The following SLC4A10 variants were observed in gnomAD, a reference collection of about 807,000 sequenced individuals.
SLC4A10 encodes the protein solute carrier family 4 member 10.
Under a neutral mutation model 137.7 loss-of-function variants are expected in SLC4A10, and 42 were observed. The ratio of observed to expected loss-of-function variants is 0.30; its 90% CI spans 0.24 to 0.39. SLC4A10 has a LOEUF of 0.39. Among genes scored for constraint, SLC4A10 ranks in the 10% least tolerant of loss-of-function variants. SLC4A10 has a pLI of 1.00. For missense variants in SLC4A10, 925 were observed against 1,355.0 expected (o/e 0.68, Z 4.98); for synonymous variants, 474 against 464.1 (o/e 1.02, Z -0.27).
At chr2:161,944,443 A>G (rs1227716833) in intron 16 of SLC4A10, among the ~76,000 whole-genome samples, 1 of 151,840 alleles carries the variant, frequency 6.6e-6, no homozygotes, top group Admixed American at 6.6e-5. Flanking sequence ...GTATTAGCAA[A>G]TCTTGAATTT....
intron 1 of SLC4A10, among the ~76,000 whole-genome samples, chr2:161,695,422 A>G (rs1400463135): frequency 2.6e-5 from 4 of 152,094 alleles, no homozygotes; most frequent in Non-Finnish European, 4.4e-5. Context: ...GAATTTTTGC[A>G]TACTGTTGCA....
intron 1 of SLC4A10, among the ~76,000 whole-genome samples, chr2:161,653,594 C>T (rs925898951): frequency 1.3e-5 from 2 of 152,260 alleles, no homozygotes; most frequent in South Asian, 4.1e-4. Flanking sequence ...CTTTCTCTTC[C>T]TATGAATTTG....
chr2:161,769,749 C>T (rs556245303), intron 1 of SLC4A10, among the ~76,000 whole-genome samples: 1 of 151,784 alleles, frequency 6.6e-6, no homozygotes, highest in East Asian at 1.9e-4. Context: ...AAGAATTCTC[C>T]AAGATTGAGA....
chr2:161,933,669 A>AC (rs968164294), intron 15 of SLC4A10, among the ~76,000 whole-genome samples: 64 of 152,362 alleles, frequency 4.2e-4, no homozygotes, highest in African/African-American at 1.5e-3. Flanking sequence ...TGCAGGGATT[A>AC]CAGGCATGAG....
chr2:161,696,375 T>C (rs1341282973), intron 1 of SLC4A10, among the ~76,000 whole-genome samples: 2 of 150,832 alleles, frequency 1.3e-5, no homozygotes, highest in Non-Finnish European at 3.0e-5. Flanking sequence ...TACATATGTA[T>C]ACATGTGCCA....
intron 5 of SLC4A10, among the ~76,000 whole-genome samples, chr2:161,860,753 G>A (rs1260911642): frequency 1.3e-5 from 2 of 152,090 alleles, no homozygotes; most frequent in African/African-American, 2.4e-5. Context: ...AACATTCCAG[G>A]TATATAATAT....
chr2:161,903,406 A>G (rs1445904094), intron 12 of SLC4A10, among the ~76,000 whole-genome samples: 1 of 152,156 alleles, frequency 6.6e-6, no homozygotes, highest in Admixed American at 6.5e-5. Context: ...ATCTGTCTCT[A>G]CTAAGTATTG....
intron 2 of SLC4A10, among the ~76,000 whole-genome samples, chr2:161,775,965 A>G (rs1430072088): frequency 6.6e-6 from 1 of 151,904 alleles, no homozygotes; most frequent in Non-Finnish European, 1.5e-5. Context: ...GCAGTGATCA[A>G]TTACCAATCA....
intron 11 of SLC4A10, among the ~76,000 whole-genome samples, chr2:161,899,069 T>A (rs1433282405): frequency 6.6e-6 from 1 of 152,052 alleles, no homozygotes; most frequent in Non-Finnish European, 1.5e-5. Flanking sequence ...GCTACATGCA[T>A]CCACATACTC....
intron 1 of SLC4A10, among the ~76,000 whole-genome samples, chr2:161,754,360 A>G (rs2049348635): frequency 6.6e-6 from 1 of 152,174 alleles, no homozygotes; most frequent in Non-Finnish European, 1.5e-5. Context: ...TTTTCTATAA[A>G]ACAGCTCTGT....
chr2:161,879,324 A>C, intron 9 of SLC4A10, 36 bp downstream of exon 9: 1 of 1,540,436 alleles, frequency 6.5e-7, no homozygotes, highest in Non-Finnish European at 8.8e-7. Flanking sequence ...TATTTTTCTT[A>C]AACCATCTTT....
intron 1 of SLC4A10, among the ~76,000 whole-genome samples, chr2:161,643,222 G>C (rs1380999923): frequency 3.3e-5 from 5 of 151,994 alleles, no homozygotes; most frequent in African/African-American, 1.2e-4. Flanking sequence ...TAATAATGAG[G>C]AATGTGCTGT....
chr2:161,653,135 AATG>A (rs1367095166), intron 1 of SLC4A10, among the ~76,000 whole-genome samples: 1 of 152,094 alleles, frequency 6.6e-6, no homozygotes, highest in East Asian at 1.9e-4. Flanking sequence ...GTATGCCGAG[AATG>A]ATGGTTTCCA....
chr2:161,913,549 T>G (rs1686367873), intron 15 of SLC4A10, among the ~76,000 whole-genome samples: 1 of 152,212 alleles, frequency 6.6e-6, no homozygotes, highest in African/African-American at 2.4e-5. Flanking sequence ...CACCAAAGTT[T>G]TAATTCCAGA....
chr2:161,811,480 G>A (rs549890282), intron 3 of SLC4A10, among the ~76,000 whole-genome samples: 246 of 152,048 alleles, frequency 1.6e-3, no homozygotes, highest in African/African-American at 5.7e-3. Context: ...TACTCTGCTG[G>A]AAATCATCAT....
Position 161,965,087 on chromosome 2 carries a change from T to G in SLC4A10, c.3073T>G (p.Leu1025Val). The change falls in exon 23 of 27, where the codon TTG becomes GTG. Residue 1025 changes from leucine (L) to valine (V), a missense_variant. Leu to Val is a conservative substitution (Grantham distance 32). Around this residue, in one of 11 missense-constraint regions of SLC4A10, gnomAD observed 115 missense variants for 237.5 expected, o/e 0.48. Coordinates refer to ENST00000446997, the MANE Select transcript of SLC4A10 (RefSeq NM_001178015.2). ...ALVFVRKLMDLLFTKRELSWL... is the reference protein window; with the variant it reads ...ALVFVRKLMDVLFTKRELSWL... ...GGTATTTGTAAGAAAGTTGATGGACTTGTTGTTCACGAAGCGGGAACTCAG... is the reference window on the plus strand; with the variant it reads ...GGTATTTGTAAGAAAGTTGATGGACGTGTTGTTCACGAAGCGGGAACTCAG... 1 of 1,612,724 alleles carries G rather than the reference T, an allele frequency of 6.2e-7. No individual in the cohort carries two copies. Among genetic ancestry groups the G allele is most frequent in the Non-Finnish European group, 8.5e-7 (1 of 1,179,056 alleles).
chr2:161,896,825 T>C (rs2063556224), intron 11 of SLC4A10, among the ~76,000 whole-genome samples: 1 of 152,098 alleles, frequency 6.6e-6, no homozygotes, highest in South Asian at 2.1e-4. Context: ...GACAACCTAC[T>C]AATCAAACAG....
intron 1 of SLC4A10, among the ~76,000 whole-genome samples, chr2:161,719,489 A>C (rs2045361514): frequency 6.6e-6 from 1 of 152,154 alleles, no homozygotes; most frequent in African/African-American, 2.4e-5. Context: ...TGACTTCCAC[A>C]ATGGTTGAAC....
rs1187066246 is a variant in SLC4A10, at chr2:161,873,591, T to G, written c.859-325T>G. On this transcript the variant is annotated intron_variant, in intron 7 of 26. Transcript: ENST00000446997. ...AAAGAGAAGGAGTTTGAATACTTGG[T>G]GAAAATACGGCAGGTTAACAATTCT... Among the ~76,000 whole-genome samples the G allele has an allele frequency of 1.3e-5, 2 of 148,504 alleles. 1 individual carries two copies. The highest frequency in any genetic ancestry group is 6.5e-3 in the Middle Eastern group (2 of 306).
Sources: gnomAD v4.1 joint callset for allele counts (sites outside exome capture counted in the v4.1 genomes callset) on GRCh38, gnomAD v4.1.1 for gene constraint, gnomAD v4.1.1 regional missense constraint, MANE v1.5 for transcripts, NCBI Gene and HGNC (gene_info 2026-07-23, HGNC 2026-07-21) for gene names.